TULP3: variants seen among roughly 807,000 people sequenced by gnomAD.
TULP3 encodes the protein tubby-related protein 3.
Under a neutral mutation model 50.7 loss-of-function variants are expected in TULP3, and 38 were observed. The ratio of observed to expected loss-of-function variants is 0.75; its 90% CI spans 0.58 to 0.98. The LOEUF (loss-of-function observed/expected upper bound fraction) is 0.98, where lower values mean the gene tolerates loss of function less well. Among genes scored for constraint, TULP3 ranks in the 50% least tolerant of loss-of-function variants. TULP3 has a pLI of 0.00. For synonymous variants in TULP3, 183 were observed against 196.6 expected, an observed-to-expected ratio of 0.93 and a Z score of 0.58; for missense variants, 550 against 568.0, an observed-to-expected ratio of 0.97 and a Z score of 0.32.
intron 1 of TULP3, among the ~76,000 whole-genome samples, chr12:2,902,966 A>G (rs2098180073): frequency 6.6e-6 from 1 of 150,948 alleles, no homozygotes; most frequent in African/African-American, 2.4e-5. Context: ...GGTTCAAGTG[A>G]TTGTCCTGCC....
Position 2,939,450 on chromosome 12 carries a change from C to G in TULP3, c.*6C>G, listed in dbSNP as rs773160308. The G allele has an allele frequency of 1.2e-6, 2 of 1,613,962 alleles. No individual in the cohort carries two copies. The highest frequency in any genetic ancestry group is 2.2e-5 in the South Asian group (2 of 91,046). Reference sequence around the variant, plus strand: ...GTAAGCTGGCGTGTGAATGAGAGAACAGTCAGGCAGGGAGCCCTTCTCCCC... The same window carrying G: ...GTAAGCTGGCGTGTGAATGAGAGAAGAGTCAGGCAGGGAGCCCTTCTCCCC... On this transcript the variant is annotated 3_prime_UTR_variant, in exon 11 of 11. Coordinates refer to ENST00000448120, the MANE Select transcript of TULP3 (RefSeq NM_003324.5). The surrounding 1 kb of genome is among the most constrained non-coding windows in gnomAD (Gnocchi z 4.0).
chr12:2,909,415 A>T (rs1018824640), intron 1 of TULP3, 114 bp from the exon 2 acceptor site: 7 of 996,668 alleles, frequency 7.0e-6, no homozygotes, highest in Middle Eastern at 6.5e-4. Context: ...GATGCCTTCT[A>T]TGAGGCAGAA....
At chr12:2,926,326 C>T (rs995067408) in intron 4 of TULP3, among the ~76,000 whole-genome samples, 3 of 151,868 alleles carry the variant, frequency 2.0e-5, no homozygotes, top group Non-Finnish European at 4.4e-5. Flanking sequence ...TTGGTGAAAC[C>T]CCATCTCTAC....
At chr12:2,895,682 TTCAC>T (rs1009967546) in intron 1 of TULP3, among the ~76,000 whole-genome samples, 6 of 42,788 alleles carry the variant, frequency 1.4e-4, no homozygotes, top group African/African-American at 5.8e-4. Flanking sequence ...TGATGCCTCT[TTCAC>T]TCTATACAGT....
intron 2 of TULP3, among the ~76,000 whole-genome samples, chr12:2,919,206 A>C (rs1299801565): frequency 6.6e-6 from 1 of 152,154 alleles, no homozygotes; most frequent in African/African-American, 2.4e-5. Context: ...GAAGAATCTC[A>C]GTGGCCAATT....
Position 2,934,557 on chromosome 12 carries a change from C to G in TULP3, c.920C>G (p.Ser307Cys). The stretch of plus-strand genomic sequence containing the variant: ...ACCCGGCAGGAGCTGGCTGCCATCT[C>G]CTATGTGAGTGCTGCTTTCCCAGGG... ...AHTRQELAAI[S>C]YETNVLGFKG... The change falls in exon 8 of 11, where the codon TCC becomes TGC. Residue 307 changes from serine (S) to cysteine (C), a missense_variant. Transcript: ENST00000448120. 6.3e-7 allele frequency: 1 copy of G among 1,575,540 alleles called. No individual in the cohort carries two copies. The highest frequency in any genetic ancestry group is 8.6e-7 in the Non-Finnish European group (1 of 1,162,108).
chr12:2,893,128 T>A (rs1228350164), intron 1 of TULP3, among the ~76,000 whole-genome samples: 2 of 150,014 alleles, frequency 1.3e-5, no homozygotes, highest in African/African-American at 2.5e-5. Context: ...CTCCAAAACT[T>A]CTGGGATTAC....
At position 2,938,164 on chromosome 12, in the gene TULP3, G is replaced by A. The variant is rs758148903; in HGVS notation, c.1074G>A (p.Leu358=). The A allele has an allele frequency of 1.1e-5, 18 of 1,614,170 alleles. No individual in the cohort carries two copies. The highest frequency in any genetic ancestry group is 9.3e-6 in the Non-Finnish European group (11 of 1,180,038). Residue 358 remains leucine, a synonymous_variant, in exon 10 of 11, where the codon CTG becomes CTA. Coordinates refer to ENST00000448120, the MANE Select transcript of TULP3 (RefSeq NM_003324.5). ...SRWQNRTMEN[L]VELHNKAPVW... ...GGCAGAACAGAACTATGGAAAATCT[G>A]GTTGAGCTGCACAACAAGGCCCCCG...
chr12:2,934,272 T>A (rs1198297374), intron 7 of TULP3, among the ~76,000 whole-genome samples, 175 bp from the exon 8 acceptor site: 1 of 152,160 alleles, frequency 6.6e-6, no homozygotes, highest in African/African-American at 2.4e-5. Context: ...AATAAAAAGT[T>A]AAAAGAAAAT....
chr12:2,920,975 A>C (rs2098191354), intron 3 of TULP3, 53 bp downstream of exon 3: 2 of 1,602,830 alleles, frequency 1.2e-6, no homozygotes, highest in South Asian at 2.2e-5. Flanking sequence ...TCACAAACCT[A>C]GAAGGCACGA....
intron 5 of TULP3, 97 bp from the exon 6 acceptor site, chr12:2,930,940 G>C (rs1209477830): frequency 1.4e-5 from 19 of 1,327,128 alleles, no homozygotes; most frequent in Non-Finnish European, 2.1e-5. Context: ...GAAGACACGG[G>C]TAAATTACTA....
At position 2,931,103 on chromosome 12, in the gene TULP3, G is replaced by A. The variant is rs17853063; in HGVS notation, c.559G>A (p.Asp187Asn). 5.5e-5 allele frequency: 88 copies of A among 1,614,124 alleles called. No individual in the cohort carries two copies. The highest frequency in any genetic ancestry group is 4.8e-4 in the African/African-American group (36 of 75,018). The change falls in exon 6 of 11, where the codon GAC becomes AAC. Residue 187 changes from aspartate (D) to asparagine (N), a missense_variant. Coordinates refer to ENST00000448120, the MANE Select transcript of TULP3 (RefSeq NM_003324.5). Reference protein sequence around the residue: ...PADNLLGDIDDLEDFVYSPAP... With the variant: ...PADNLLGDIDNLEDFVYSPAP... ...TGATAACCTCCTGGGAGACATAGAC[G>A]ACCTGGAGGACTTTGTGTATAGTCC...
chr12:2,929,595 T>G (rs1235913202), intron 4 of TULP3, among the ~76,000 whole-genome samples: 2 of 151,246 alleles, frequency 1.3e-5, no homozygotes, highest in African/African-American at 2.4e-5. Context: ...GCCTAAATTT[T>G]TTTTGTTTTG....
At chr12:2,927,613 A>T (rs145841987) in intron 4 of TULP3, among the ~76,000 whole-genome samples, 4,083 of 152,136 alleles carry the variant, frequency 0.027, 191 homozygotes, top group African/African-American at 0.094. Context: ...TCGGCCTCCC[A>T]AAGTGCTGGG....
intron 4 of TULP3, among the ~76,000 whole-genome samples, chr12:2,929,637 C>CTA (rs959379090): frequency 2.0e-5 from 3 of 151,756 alleles, no homozygotes; most frequent in Admixed American, 6.6e-5. Context: ...GTCTCCCAGG[C>CTA]TATAGTACAG....
intron 4 of TULP3, among the ~76,000 whole-genome samples, chr12:2,923,038 G>T (rs945372977): frequency 6.6e-6 from 1 of 151,690 alleles, no homozygotes; most frequent in Admixed American, 6.6e-5. Flanking sequence ...TATTTTTTTA[G>T]TAGAGACGGG....
rs369558550 is a variant in TULP3 at position 2,920,748 on chromosome 12, T to C, written c.94-15T>C. On this transcript the variant is annotated splice_polypyrimidine_tract_variant and intron_variant, in intron 2 of 10. Transcript: ENST00000448120. ...AAAACTCTCCTTGCTGGCTGTCATA[T>C]CGCTTTTTTCCCAGAGGCTACTACT... The C allele has an allele frequency of 4.3e-6, 7 of 1,613,382 alleles. No homozygotes were observed. Among genetic ancestry groups the C allele is most frequent in the African/African-American group, 2.7e-5 (2 of 74,872 alleles).
chr12:2,908,216 C>T (rs1204003364), intron 1 of TULP3, among the ~76,000 whole-genome samples: 8 of 152,154 alleles, frequency 5.3e-5, no homozygotes, highest in African/African-American at 1.9e-4. Context: ...AACCATGTTT[C>T]TCTTTGTGGT....
intron 7 of TULP3, 100 bp downstream of exon 7, chr12:2,933,630 G>T: frequency 1.5e-5 from 8 of 542,888 alleles, no homozygotes; most frequent in East Asian, 7.0e-5. Context: ...ATGTATTGAT[G>T]TTGTAATCTT....
Sources: allele counts gnomAD v4.1 joint callset (sites outside exome capture counted in the v4.1 genomes callset), GRCh38; gene constraint gnomAD v4.1.1; non-coding constraint Gnocchi (gnomAD v3.1); transcripts MANE v1.5; gene names NCBI Gene and HGNC (gene_info 2026-07-23, HGNC 2026-07-21).